EEFSEC: variants seen among roughly 807,000 people sequenced by gnomAD.
EEFSEC encodes the protein selenocysteine-specific elongation factor.
In EEFSEC, 43 loss-of-function variants were observed where a neutral mutation model predicts 42.1. The observed-to-expected ratio is 1.02, with a 90% CI of 0.80 to 1.32. EEFSEC has a LOEUF of 1.32. Among genes scored for constraint, EEFSEC ranks in the 40% most tolerant of loss-of-function variants. EEFSEC has a pLI of 0.00. For synonymous variants in EEFSEC, 354 were observed against 339.1 expected (o/e 1.04, Z -0.48); for missense variants, 745 against 803.6 (o/e 0.93, Z 0.88).
chr3:128,408,645 T>G lies in EEFSEC; in HGVS notation c.*386T>G. ...AATGTCCCGTGGCCCCAGCCCACTC[T>G]ACTGGTGTCTCTCTCTCTGTGACTT... On this transcript the variant is annotated 3_prime_UTR_variant, in exon 7 of 7. Coordinates refer to ENST00000254730, the MANE Select transcript of EEFSEC (RefSeq NM_021937.5). 1 of 175,770 alleles carries G rather than the reference T, an allele frequency of 5.7e-6. No individual in the cohort carries two copies. Among genetic ancestry groups the G allele is most frequent in the Non-Finnish European group, 1.2e-5 (1 of 83,920 alleles). The allele number at this position is 175,770 out of a possible 1,614,324, so 10.9% of individuals were successfully genotyped here.
chr3:128,393,918 A>G (rs1004170414), intron 6 of EEFSEC, among the ~76,000 whole-genome samples: 4 of 151,734 alleles, frequency 2.6e-5, no homozygotes, highest in Non-Finnish European at 2.9e-5. Context: ...CATAGGCCTG[A>G]GAGCTGAGGT....
Position 128,317,315 on chromosome 3 carries a change from C to T in EEFSEC, c.787-23918C>T, listed in dbSNP as rs1165255389. On this transcript the variant is annotated intron_variant, in intron 4 of 6. Transcript: ENST00000254730. This position sits in a 1 kb window ranked among gnomAD's most constrained non-coding sequence, Gnocchi z 4.1. ...ACACACGGTGTGCTCACATGCAGTG[C>T]GTCCCCAGACTTGTAAGCCTGGCCT... 6.6e-6 allele frequency among the ~76,000 whole-genome samples: 1 copy of T among 152,184 alleles called. No individual in the cohort carries two copies. Among genetic ancestry groups the T allele is most frequent in the African/African-American group, 2.4e-5 (1 of 41,448 alleles).
intron 4 of EEFSEC, among the ~76,000 whole-genome samples, chr3:128,293,677 A>AC (rs774179780): frequency 0.059 from 8,766 of 148,966 alleles, 1,145 homozygotes; most frequent in East Asian, 0.4. Flanking sequence ...AAAAAAAAAA[A>AC]AAAAAAAAAA....
At chr3:128,193,365 G>A (rs919292242) in intron 1 of EEFSEC, among the ~76,000 whole-genome samples, 23 of 152,312 alleles carry the variant, frequency 1.5e-4, no homozygotes, top group African/African-American at 5.1e-4. Context: ...CATCTGAGAG[G>A]GTGTTGCTCT....
chr3:128,161,763 C>T lies in EEFSEC; in HGVS notation c.316+7940C>T, dbSNP rs148511126. On this transcript the variant is annotated intron_variant, in intron 1 of 6. Coordinates refer to ENST00000254730, the MANE Select transcript of EEFSEC (RefSeq NM_021937.5). Reference sequence around the variant, plus strand: ...CATCTGTTTTATTGAGGTGTGTGCCCTTCATTCTTTCTGCAGATGCCCTCT... The same window carrying T: ...CATCTGTTTTATTGAGGTGTGTGCCTTTCATTCTTTCTGCAGATGCCCTCT... Among the ~76,000 whole-genome samples the T allele has an allele frequency of 5.9e-5, 9 of 152,304 alleles. No individual in the cohort carries two copies. The East Asian group carries it at 1.7e-3, about 29-fold the overall frequency.
chr3:128,184,917 T>C (rs1284738246), intron 1 of EEFSEC, among the ~76,000 whole-genome samples: 2 of 152,180 alleles, frequency 1.3e-5, no homozygotes, highest in Admixed American at 6.5e-5. Context: ...ATGGCTGTAA[T>C]CCCAGCATTT....
intron 1 of EEFSEC, among the ~76,000 whole-genome samples, chr3:128,206,479 A>G (rs979631632): frequency 4.6e-5 from 7 of 152,202 alleles, no homozygotes; most frequent in African/African-American, 1.7e-4. Flanking sequence ...CAAGCCAGTC[A>G]CTTCTGTCTG....
At chr3:128,399,966 G>A (rs1048351735) in intron 6 of EEFSEC, among the ~76,000 whole-genome samples, 1 of 152,188 alleles carries the variant, frequency 6.6e-6, no homozygotes, top group Non-Finnish European at 1.5e-5. Flanking sequence ...AGCTCCATGA[G>A]CCTGGCTGGC....
At chr3:128,384,923 T>C (rs2067821050) in intron 6 of EEFSEC, among the ~76,000 whole-genome samples, 1 of 152,080 alleles carries the variant, frequency 6.6e-6, no homozygotes, top group Non-Finnish European at 1.5e-5. Context: ...GTGGGACAGG[T>C]CCCAGACCCC....
In EEFSEC at chr3:128,240,513, C is replaced by T. The variant is rs188234801; in HGVS notation, c.317-6323C>T. ...AATGACCCTCTTGTTTAAGCCCCTT[C>T]CATTTCCAAATCCTCTGAGCCTGTG... On this transcript the variant is annotated intron_variant, in intron 1 of 6. Transcript: ENST00000254730. Among the ~76,000 whole-genome samples, 7 of 152,318 alleles carry T rather than the reference C, an allele frequency of 4.6e-5. No homozygotes were observed. The East Asian group carries it at 1.2e-3, about 25-fold the overall frequency.
chr3:128,172,722 C>G (rs1035566115), intron 1 of EEFSEC, among the ~76,000 whole-genome samples: 2 of 152,146 alleles, frequency 1.3e-5, no homozygotes, highest in African/African-American at 4.8e-5. Flanking sequence ...GCAGACAAAC[C>G]AGTTCTTTCT....
chr3:128,400,112 G>C (rs2068031746), intron 6 of EEFSEC, among the ~76,000 whole-genome samples: 1 of 152,166 alleles, frequency 6.6e-6, no homozygotes, highest in African/African-American at 2.4e-5. Context: ...TGGCCTTGGG[G>C]GCAGCTCCCT....
chr3:128,341,578 C>T lies in EEFSEC; in HGVS notation c.1132C>T (p.Gln378Ter), dbSNP rs756560106. The T allele has an allele frequency of 6.2e-7, 1 of 1,613,944 alleles. No homozygotes were observed. Residue 378 changes from glutamine (Q) to a stop codon, truncating the protein, a stop_gained, in exon 5 of 7, where the codon CAG becomes TAG. Transcript: ENST00000254730. LOFTEE classifies it high-confidence loss of function. ...NFSQEYLFQE[Q>*]YLSKDLTPAV... ...CTCTCAAGAATACCTTTTCCAGGAG[C>T]AGTACCTGTCCAAGGATTTGACACC...
At chr3:128,350,562 C>T (rs1028647079) in intron 5 of EEFSEC, among the ~76,000 whole-genome samples, 2 of 152,246 alleles carry the variant, frequency 1.3e-5, no homozygotes, top group Non-Finnish European at 2.9e-5. Context: ...CAGCCCAAAT[C>T]CTCAGCGTTT....
intron 6 of EEFSEC, among the ~76,000 whole-genome samples, chr3:128,398,710 G>T (rs1444315382): frequency 3.3e-5 from 5 of 152,174 alleles, no homozygotes; most frequent in African/African-American, 9.6e-5. Flanking sequence ...GTCCCGAGAG[G>T]CTGGGCAGGC....
chr3:128,408,140 G>T lies in EEFSEC; in HGVS notation c.1672G>T (p.Glu558Ter). Reference sequence around the variant, plus strand: ...GAAGCGGGCCCGGGCTGGCCGTGGGGAGGCCACCAGGCAGGAGGAGAGCGC... The same window carrying T: ...GAAGCGGGCCCGGGCTGGCCGTGGGTAGGCCACCAGGCAGGAGGAGAGCGC... ...LKKRARAGRG[E>*]ATRQEESAER... Residue 558 changes from glutamate (E) to a stop codon, truncating the protein, a stop_gained, in exon 7 of 7, where the codon GAG becomes TAG. Coordinates refer to ENST00000254730, the MANE Select transcript of EEFSEC (RefSeq NM_021937.5). LOFTEE classifies it high-confidence loss of function. 1.2e-6 allele frequency: 2 copies of T among 1,611,926 alleles called. No individual in the cohort carries two copies. Among genetic ancestry groups the T allele is most frequent in the Non-Finnish European group, 1.7e-6 (2 of 1,178,994 alleles).
the EEFSEC span, among the ~76,000 whole-genome samples, chr3:128,419,496 T>C: frequency 3.9e-5 from 6 of 152,252 alleles, no homozygotes; most frequent in East Asian, 1.2e-3. Context: ...GATATTTAAC[T>C]ACATGGAGAA....
intron 2 of EEFSEC, among the ~76,000 whole-genome samples, chr3:128,250,671 A>G (rs528113437): frequency 6.6e-6 from 1 of 152,286 alleles, no homozygotes; most frequent in South Asian, 2.1e-4. Flanking sequence ...GTCAGAAAGT[A>G]TGACTCTTCT....
chr3:128,217,731 GTCT>G (rs1282352570), intron 1 of EEFSEC, among the ~76,000 whole-genome samples: 2 of 152,212 alleles, frequency 1.3e-5, no homozygotes, highest in Admixed American at 6.5e-5. Context: ...CTTGGCTGTG[GTCT>G]TCTTTTCCAC....
Sources: gnomAD v4.1 joint callset for allele counts (sites outside exome capture counted in the v4.1 genomes callset) on GRCh38, gnomAD v4.1.1 for gene constraint, Gnocchi (gnomAD v3.1) non-coding constraint, MANE v1.5 for transcripts, NCBI Gene and HGNC (gene_info 2026-07-23, HGNC 2026-07-21) for gene names.